CFAP20: variants seen among roughly 807,000 people sequenced by gnomAD.
CFAP20 encodes cilia- and flagella-associated protein 20.
In CFAP20, 14 loss-of-function variants were observed where a neutral mutation model predicts 25.5. The observed-to-expected ratio is 0.55, with a 90% CI of 0.36 to 0.86. The LOEUF (loss-of-function observed/expected upper bound fraction) is 0.86. Among genes scored for constraint, CFAP20 ranks in the 40% least tolerant of loss-of-function variants. The pLI is 0.01. For missense variants in CFAP20, 181 were observed against 248.0 expected, an observed-to-expected ratio of 0.73 and a Z score of 1.81; for synonymous variants, 75 against 91.1, an observed-to-expected ratio of 0.82 and a Z score of 1.01.
chr16:58,116,753 A>T, intron 2 of CFAP20, 119 bp downstream of exon 2: 1 of 857,136 alleles, frequency 1.2e-6, no homozygotes, highest in Non-Finnish European at 1.8e-6. Flanking sequence ...GGTAAGCTCT[A>T]AGTGGCAGAG....
chr16:58,114,735 T>C, intron 5 of CFAP20, 75 bp downstream of exon 5: 1 of 1,238,058 alleles, frequency 8.1e-7, no homozygotes, highest in Non-Finnish European at 1.2e-6. Context: ...GCTGAATTCT[T>C]AGACCAGAGC....
chr16:58,129,175 C>A lies in CFAP20; in HGVS notation c.-60G>T. ...GCCGACCTAGGCCCCGGAGTAGATA[C>A]AGGCACCGAGCGTCGAGGGCACAGC... On this transcript the variant is annotated 5_prime_UTR_variant, in exon 1 of 6. Transcript: ENST00000262498. 6.3e-7 allele frequency: 1 copy of A among 1,579,542 alleles called. No individual in the cohort carries two copies. Among genetic ancestry groups the A allele is most frequent in the Non-Finnish European group, 8.6e-7 (1 of 1,156,542 alleles).
At chr16:58,115,540 C>T in intron 3 of CFAP20, 83 bp from the exon 4 acceptor site, 1 of 1,499,178 alleles carries the variant, frequency 6.7e-7, no homozygotes, top group Non-Finnish European at 9.1e-7. Context: ...ACCTGAATTC[C>T]CACAGCTTGC....
rs923211392 is a variant in CFAP20 at position 58,115,587 on chromosome 16, C to T, written c.277-130G>A. ...TGAGACTTAGAGGAAAATAAACAGA[C>T]CAGACACAGGTCATACACTGCATGC... On this transcript the variant is annotated intron_variant, in intron 3 of 5. Transcript: ENST00000262498. 5 of 1,101,066 alleles carry T rather than the reference C, an allele frequency of 4.5e-6. No individual in the cohort carries two copies. The African/African-American group carries it at 7.8e-5, about 17-fold the overall frequency. The allele number at this position is 1,101,066 out of a possible 1,614,324, so 68.2% of individuals were successfully genotyped here.
Position 58,116,028 on chromosome 16 carries a change from T to C in CFAP20, c.276+13A>G. ...ATAGCCAAGAGTGGACACATTCATG[T>C]ACACATACTTACCTGCACTTCGAAG... On this transcript the variant is annotated intron_variant, in intron 3 of 5. Transcript: ENST00000262498. 1 of 1,564,864 alleles carries C rather than the reference T, an allele frequency of 6.4e-7. No homozygotes were observed. The highest frequency in any genetic ancestry group is 8.8e-7 in the Non-Finnish European group (1 of 1,135,534).
intron 1 of CFAP20, among the ~76,000 whole-genome samples, chr16:58,127,390 T>C (rs1178586573): frequency 6.6e-6 from 1 of 152,228 alleles, no homozygotes; most frequent in Non-Finnish European, 1.5e-5. Context: ...AGTCCCATTC[T>C]CGATTTCAAT....
intron 1 of CFAP20, among the ~76,000 whole-genome samples, chr16:58,124,816 G>T (rs542704003): frequency 6.6e-6 from 1 of 152,000 alleles, no homozygotes; most frequent in Admixed American, 6.6e-5. Flanking sequence ...ATTTTATTTA[G>T]TTATTTAGTT....
chr16:58,125,272 A>G (rs766668214), intron 1 of CFAP20, among the ~76,000 whole-genome samples: 2 of 152,364 alleles, frequency 1.3e-5, no homozygotes, highest in South Asian at 2.1e-4. Context: ...AATAACGCAC[A>G]TGGCGCTGTC....
intron 1 of CFAP20, among the ~76,000 whole-genome samples, chr16:58,127,375 G>A (rs1339308227): frequency 1.3e-5 from 2 of 152,138 alleles, no homozygotes; most frequent in East Asian, 3.9e-4. Flanking sequence ...TCTCCTCCTA[G>A]GTCAAGTCCC....
At chr16:58,119,301 C>T (rs1488938227) in intron 1 of CFAP20, 1 of 152,228 alleles carries the variant, frequency 6.6e-6, no homozygotes, top group Non-Finnish European at 1.5e-5. Flanking sequence ...AGTTATGAAG[C>T]ATCATTTCTA....
At chr16:58,123,979 A>G (rs939966907) in intron 1 of CFAP20, among the ~76,000 whole-genome samples, 10 of 152,304 alleles carry the variant, frequency 6.6e-5, no homozygotes, top group African/African-American at 2.4e-4. Context: ...AGCCTAATGA[A>G]AAGATGGGAG....
At chr16:58,128,815 G>A (rs1960660524) in intron 1 of CFAP20, among the ~76,000 whole-genome samples, 1 of 140,672 alleles carries the variant, frequency 7.1e-6, no homozygotes, top group Non-Finnish European at 1.5e-5. Context: ...TCTCAGCCAC[G>A]CCCACCCACA....
At position 58,126,029 on chromosome 16, in the gene CFAP20, T is replaced by C. The variant is rs114791427; in HGVS notation, c.84+3003A>G. Among the ~76,000 whole-genome samples the C allele has an allele frequency of 6.1e-3, 931 of 152,344 alleles. 8 individuals are homozygous for C. The highest frequency in any genetic ancestry group is 0.021 in the African/African-American group (880 of 41,576). The stretch of plus-strand genomic sequence containing the variant: ...GCTAAGGACTTTATATACAGCTTCA[T>C]TGAATCTTCATAACCGTGAGAAATA... On this transcript the variant is annotated intron_variant, in intron 1 of 5. Transcript: ENST00000262498.
rs914374791 is a variant in CFAP20 at position 58,122,351 on chromosome 16, T to C, written c.85-5400A>G. On this transcript the variant is annotated intron_variant, in intron 1 of 5. Transcript: ENST00000262498. ...ATCCCAGCACTTTTGGAGGCTGAGG[T>C]GGGAGGATCACCTGAGATCAGGAGT... 3.3e-5 allele frequency among the ~76,000 whole-genome samples: 5 copies of C among 151,996 alleles called. No individual in the cohort carries two copies. In the South Asian group the frequency reaches 6.2e-4, roughly 19 times the overall value.
At position 58,114,037 on chromosome 16, in the gene CFAP20, G is replaced by A; in HGVS notation, c.577-7C>T. On this transcript the variant is annotated splice_region_variant and splice_polypyrimidine_tract_variant and intron_variant, in intron 5 of 5. Transcript: ENST00000262498. ...GTCACAATTCCAGTTATTGCTGAAG[G>A]GAAAAAACAGAGAAGTGGCATCAGT... The A allele has an allele frequency of 5.0e-6, 8 of 1,613,562 alleles. No individual in the cohort carries two copies. The highest frequency in any genetic ancestry group is 6.8e-6 in the Non-Finnish European group (8 of 1,179,504).
chr16:58,116,305 C>T (rs558453585), intron 2 of CFAP20, among the ~76,000 whole-genome samples, 153 bp from the exon 3 acceptor site: 3 of 152,306 alleles, frequency 2.0e-5, no homozygotes, highest in South Asian at 2.1e-4. Context: ...CCTAAGTCAG[C>T]GGCTGCTTTA....
At chr16:58,116,529 C>T (rs1960459964) in intron 2 of CFAP20, 1 of 384,094 alleles carries the variant, frequency 2.6e-6, no homozygotes, top group Non-Finnish European at 4.7e-6. Flanking sequence ...ATGAGCTGTA[C>T]AACACTGCCC....
At chr16:58,121,394 T>A (rs966668967) in intron 1 of CFAP20, among the ~76,000 whole-genome samples, 3 of 152,234 alleles carry the variant, frequency 2.0e-5, no homozygotes, top group African/African-American at 7.2e-5. Flanking sequence ...AAGCAGGTTT[T>A]AACATGTTCT....
intron 1 of CFAP20, among the ~76,000 whole-genome samples, chr16:58,124,046 A>C (rs948668636): frequency 6.6e-6 from 1 of 152,126 alleles, no homozygotes; most frequent in African/African-American, 2.4e-5. Flanking sequence ...GAAGTGCAAA[A>C]GCTTGAAGGT....
Sources: allele counts gnomAD v4.1 joint callset (sites outside exome capture counted in the v4.1 genomes callset), GRCh38; gene constraint gnomAD v4.1.1; transcripts MANE v1.5; gene names NCBI Gene and HGNC (gene_info 2026-07-23, HGNC 2026-07-21).